Variants in FAM161A observed in about 807,000 individuals in gnomAD.
FAM161A encodes FAM161 centrosomal protein A.
A neutral mutation model predicts 70.9 loss-of-function variants in FAM161A; 57 were observed. The observed-to-expected ratio is 0.80, with a 90% CI of 0.65 to 1.00. The LOEUF is 1.00. FAM161A is among the 50% of genes least tolerant of loss of function. FAM161A has a pLI of 0.00. For synonymous variants in FAM161A, 299 were observed against 295.7 expected (o/e 1.01, Z -0.12); for missense variants, 880 against 836.0 (o/e 1.05, Z -0.65).
the FAM161A span, among the ~76,000 whole-genome samples, chr2:61,816,663 G>C: frequency 2.0e-5 from 3 of 152,058 alleles, no homozygotes; most frequent in Non-Finnish European, 2.9e-5. Flanking sequence ...GGGCGGGGGG[G>C]TCTTGCTATG....
the FAM161A span, among the ~76,000 whole-genome samples, chr2:61,810,416 C>T: frequency 6.7e-6 from 1 of 150,146 alleles, no homozygotes; most frequent in Admixed American, 6.6e-5. Flanking sequence ...CCTCACTGGC[C>T]AATGGTTCCC....
the FAM161A span, among the ~76,000 whole-genome samples, chr2:61,805,397 T>C: frequency 8.6e-4 from 131 of 152,114 alleles, no homozygotes; most frequent in Non-Finnish European, 1.5e-3. Context: ...GAGCCTGTAA[T>C]CCCAGCTACT....
Position 61,839,271 on chromosome 2 carries a change from G to T in FAM161A, c.1583+150C>A, listed in dbSNP as rs767481274. ...ATATTCATTTCTTAGAATACCCTCTGACAAAATATCATATATTATATAGTA... is the reference window on the plus strand; with the variant it reads ...ATATTCATTTCTTAGAATACCCTCTTACAAAATATCATATATTATATAGTA... On this transcript the variant is annotated intron_variant, in intron 3 of 6. Coordinates refer to ENST00000404929, the MANE Select transcript of FAM161A (RefSeq NM_001201543.2). 375 of 684,972 alleles carry T rather than the reference G, an allele frequency of 5.5e-4. No homozygotes were observed. Among genetic ancestry groups the T allele is most frequent in the Non-Finnish European group, 8.5e-4 (351 of 412,624 alleles). 42.4% of individuals were successfully genotyped at this position (684,972 alleles called of 1,614,324 possible). A position where few individuals can be genotyped will look rare whatever the true frequency, so the allele number is the denominator to read the frequency against.
intron 1 of FAM161A, among the ~76,000 whole-genome samples, chr2:61,848,828 C>T (rs376340637): frequency 0.61 from 2,495 of 4,116 alleles, 917 homozygotes; most frequent in African/African-American, 0.76. Context: ...ATATATATAT[C>T]TATATATATT....
chr2:61,816,676 G>C, the FAM161A span, among the ~76,000 whole-genome samples: 4 of 152,060 alleles, frequency 2.6e-5, no homozygotes, highest in African/African-American at 9.7e-5. Flanking sequence ...TTGCTATGTT[G>C]CCCAGGCTGG....
chr2:61,806,767 A>T, the FAM161A span, among the ~76,000 whole-genome samples: 1 of 126,340 alleles, frequency 7.9e-6, no homozygotes, highest in Non-Finnish European at 1.5e-5. Context: ...ATCTCGGCTC[A>T]CTGCAAGCTC....
At chr2:61,836,323 T>C (rs1355558683) in intron 4 of FAM161A, 2 of 503,882 alleles carry the variant, frequency 4.0e-6, no homozygotes, top group African/African-American at 3.9e-5. Flanking sequence ...CAGAATAAAA[T>C]CCTAGGTTCT....
rs183463157 is a variant in FAM161A at position 61,825,946 on chromosome 2, T to C, written c.*509A>G. ...GCCACCATACCCGGCGTTTTTTCTA[T>C]ACTTTTAAAAATGGCTCAGAGCAGC... On this transcript the variant is annotated 3_prime_UTR_variant, in exon 7 of 7. Coordinates refer to ENST00000404929, the MANE Select transcript of FAM161A (RefSeq NM_001201543.2). 6.6e-6 allele frequency: 3 copies of C among 454,054 alleles called. No homozygotes were observed. The highest frequency in any genetic ancestry group is 6.0e-5 in the African/African-American group (3 of 49,982). 28.1% of individuals were successfully genotyped at this position (454,054 alleles called of 1,614,324 possible).
chr2:61,820,741 C>T (rs981741550), downstream of FAM161A, among the ~76,000 whole-genome samples: 14 of 151,964 alleles, frequency 9.2e-5, no homozygotes, highest in Non-Finnish European at 2.1e-4. Context: ...TGATTTGCTT[C>T]GAAACAACTA....
Position 61,839,401 on chromosome 2 carries a change from A to G in FAM161A, c.1583+20T>C, listed in dbSNP as rs1185987122. The G allele has an allele frequency of 6.2e-7, 1 of 1,613,542 alleles. No individual in the cohort carries two copies. Among genetic ancestry groups the G allele is most frequent in the Non-Finnish European group, 8.5e-7 (1 of 1,179,468 alleles). ...ATCTGGCAACCATGAGTCAGTCAGTACTGCGTCCTACTTACTTACCTTACG... is the reference window on the plus strand; with the variant it reads ...ATCTGGCAACCATGAGTCAGTCAGTGCTGCGTCCTACTTACTTACCTTACG... On this transcript the variant is annotated intron_variant, in intron 3 of 6. Coordinates refer to ENST00000404929, the MANE Select transcript of FAM161A (RefSeq NM_001201543.2).
chr2:61,838,525 T>G lies in FAM161A; in HGVS notation c.1751+13A>C. 7 of 1,598,132 alleles carry G rather than the reference T, an allele frequency of 4.4e-6. No individual in the cohort carries two copies. The highest frequency in any genetic ancestry group is 5.1e-6 in the Non-Finnish European group (6 of 1,172,588). On this transcript the variant is annotated intron_variant, in intron 4 of 6. Transcript: ENST00000404929. ...AACCAGTGGTCTGGAGATTCAAGAT[T>G]TTTTCATGATACCTGAGACATTTTA...
chr2:61,852,559 T>TCCTA (rs1673533284), intron 1 of FAM161A, among the ~76,000 whole-genome samples: 1 of 152,216 alleles, frequency 6.6e-6, no homozygotes, highest in African/African-American at 2.4e-5. Context: ...AGGGAATGGA[T>TCCTA]CCTAATACAG....
At chr2:61,832,250 C>CAAAAAA (rs1558477444) in intron 5 of FAM161A, among the ~76,000 whole-genome samples, 1 of 141,726 alleles carries the variant, frequency 7.1e-6, no homozygotes, top group Admixed American at 7.4e-5. Flanking sequence ...CACACACACA[C>CAAAAAA]AAAAAAAAAC....
chr2:61,849,783 CAAA>C (rs764962950), intron 1 of FAM161A, among the ~76,000 whole-genome samples: 2 of 53,562 alleles, frequency 3.7e-5, no homozygotes, highest in Admixed American at 2.1e-4. Flanking sequence ...GACTCCATCA[CAAA>C]AAAAAAAAAA....
chr2:61,820,347 C>A (rs1672177260), downstream of FAM161A: 5 of 750,794 alleles, frequency 6.7e-6, no homozygotes. Context: ...GAGATCCCAA[C>A]ACCAAGTGCT....
chr2:61,821,672 T>C (rs897958441), downstream of FAM161A, among the ~76,000 whole-genome samples: 1 of 152,088 alleles, frequency 6.6e-6, no homozygotes, highest in Non-Finnish European at 1.5e-5. Context: ...ACTCAAGTGA[T>C]TTTCCCACCT....
At position 61,827,209 on chromosome 2, in the gene FAM161A, G is replaced by A. The variant is rs759076687; in HGVS notation, c.1901C>T (p.Ala634Val). Residue 634 changes from alanine (A) to valine (V), a missense_variant, in exon 6 of 7, where the codon GCA becomes GTA. Transcript: ENST00000404929. ...AACAAACTCATCAGATATTCCTAGT[G>A]CTTTTAGGGTATTAGAATAATGCTT... The part of the protein sequence containing the change: ...AEKHYSNTLK[A>V]LGISDEFVSK... 1.2e-6 allele frequency: 2 copies of A among 1,613,732 alleles called. No individual in the cohort carries two copies. The highest frequency in any genetic ancestry group is 1.7e-5 in the Admixed American group (1 of 60,012).
intron 3 of FAM161A, among the ~76,000 whole-genome samples, 190 bp from the exon 4 acceptor site, chr2:61,838,895 T>TATTTATTTA (rs61041215): frequency 6.9e-6 from 1 of 145,682 alleles, no homozygotes; most frequent in African/African-American, 2.6e-5. Flanking sequence ...TTTATTTATT[T>TATTTATTTA]TTTTTGAGAT....
At chr2:61,827,344 C>T in intron 5 of FAM161A, 86 bp from the exon 6 acceptor site, 2 of 1,352,016 alleles carry the variant, frequency 1.5e-6, no homozygotes, top group Non-Finnish European at 2.1e-6. Flanking sequence ...GGCGCGGTGG[C>T]TCACGCCTGT....
Sources: allele counts gnomAD v4.1 joint callset (sites outside exome capture counted in the v4.1 genomes callset), GRCh38; gene constraint gnomAD v4.1.1; transcripts MANE v1.5; gene names NCBI Gene and HGNC (gene_info 2026-07-23, HGNC 2026-07-21).